Variants in DAP observed in about 807,000 individuals in gnomAD.
DAP encodes death associated protein, also known as death-associated protein 1.
In DAP, 8 loss-of-function variants were observed where a neutral mutation model predicts 13.8. The observed-to-expected ratio is 0.58, with a 90% CI of 0.34 to 1.05. The LOEUF (loss-of-function observed/expected upper bound fraction) is 1.05. Ranked by LOEUF, DAP falls within the 50% of genes least tolerant of loss-of-function variation. The pLI, the probability that DAP is intolerant of heterozygous loss-of-function variation, is 0.03. For missense variants in DAP, 106 were observed against 133.2 expected (o/e 0.80, Z 1.01); for synonymous variants, 47 against 47.5 (o/e 0.99, Z 0.04).
chr5:10,709,655 A>G (rs1316437010), intron 2 of DAP, among the ~76,000 whole-genome samples: 1 of 152,176 alleles, frequency 6.6e-6, no homozygotes, highest in Non-Finnish European at 1.5e-5. Context: ...TCCAGGAGAG[A>G]ATCCTAGAGG....
At chr5:10,730,626 T>C (rs1220058980) in intron 2 of DAP, among the ~76,000 whole-genome samples, 3 of 121,988 alleles carry the variant, frequency 2.5e-5, no homozygotes, top group African/African-American at 9.6e-5. Flanking sequence ...GGAATCTTTC[T>C]CTATTGAGAG....
intron 2 of DAP, among the ~76,000 whole-genome samples, chr5:10,685,655 C>A (rs1738137571): frequency 6.6e-6 from 1 of 152,220 alleles, no homozygotes; most frequent in East Asian, 1.9e-4. Context: ...TTCAACAAGG[C>A]ACAGCCGTCT....
intron 2 of DAP, among the ~76,000 whole-genome samples, chr5:10,695,152 A>G (rs1291706193): frequency 1.3e-5 from 2 of 152,236 alleles, no homozygotes; most frequent in Non-Finnish European, 2.9e-5. Context: ...ACATTTCTGG[A>G]TAACATCATT....
intron 1 of DAP, among the ~76,000 whole-genome samples, chr5:10,752,404 C>T (rs550297247): frequency 6.6e-6 from 1 of 152,338 alleles, no homozygotes; most frequent in African/African-American, 2.4e-5. Flanking sequence ...CTCTAGAACT[C>T]TTCATTTGTA....
At chr5:10,705,008 T>C (rs1260558516) in intron 2 of DAP, among the ~76,000 whole-genome samples, 1 of 152,134 alleles carries the variant, frequency 6.6e-6, no homozygotes, top group African/African-American at 2.4e-5. Flanking sequence ...TCTGCCTGGC[T>C]CTCATCCTGC....
intron 2 of DAP, 124 bp from the exon 3 acceptor site, chr5:10,683,695 C>T: frequency 1.2e-6 from 1 of 840,796 alleles, no homozygotes; most frequent in South Asian, 1.4e-5. Flanking sequence ...GGAAGCAAAC[C>T]TCTCCTCTGC....
chr5:10,710,578 C>CA (rs1738823056), intron 2 of DAP, among the ~76,000 whole-genome samples: 1 of 152,196 alleles, frequency 6.6e-6, no homozygotes, highest in African/African-American at 2.4e-5. Flanking sequence ...GATGGGTGTG[C>CA]TCTGGAGGGT....
At chr5:10,745,639 T>C (rs1739880867) in intron 2 of DAP, among the ~76,000 whole-genome samples, 1 of 152,198 alleles carries the variant, frequency 6.6e-6, no homozygotes, top group Non-Finnish European at 1.5e-5. Context: ...GAAAGAAAAC[T>C]AGTGGGCTGT....
chr5:10,753,157 C>G (rs1454286758), intron 1 of DAP, among the ~76,000 whole-genome samples: 2 of 152,222 alleles, frequency 1.3e-5, no homozygotes, highest in African/African-American at 2.4e-5. Flanking sequence ...CATCACCACT[C>G]TGTGGCAGGC....
intron 2 of DAP, among the ~76,000 whole-genome samples, chr5:10,694,209 C>T (rs1027368553): frequency 3.3e-5 from 5 of 152,110 alleles, no homozygotes; most frequent in Admixed American, 1.3e-4. Flanking sequence ...AAGGAGGGAC[C>T]GTGGCAAATG....
chr5:10,728,700 T>C (rs1303244565), intron 2 of DAP, among the ~76,000 whole-genome samples: 1 of 152,228 alleles, frequency 6.6e-6, no homozygotes, highest in African/African-American at 2.4e-5. Context: ...TTGCCTTAGA[T>C]ACAACTTTCG....
chr5:10,742,557 T>C (rs1412716267), intron 2 of DAP, among the ~76,000 whole-genome samples: 3 of 152,164 alleles, frequency 2.0e-5, no homozygotes, highest in African/African-American at 4.8e-5. Flanking sequence ...TCTAATACTA[T>C]CACTTTGTTG....
chr5:10,698,813 G>A (rs1434866237), intron 2 of DAP, among the ~76,000 whole-genome samples: 1 of 152,198 alleles, frequency 6.6e-6, no homozygotes, highest in Non-Finnish European at 1.5e-5. Flanking sequence ...TGAACAGTTT[G>A]CAAACCAGGG....
chr5:10,709,975 G>A (rs1382305867), intron 2 of DAP, among the ~76,000 whole-genome samples: 2 of 152,168 alleles, frequency 1.3e-5, no homozygotes, highest in Non-Finnish European at 2.9e-5. Flanking sequence ...GAGGCCCAGC[G>A]ATCTGTGTGT....
chr5:10,709,287 C>G (rs910840342), intron 2 of DAP, among the ~76,000 whole-genome samples: 1 of 152,108 alleles, frequency 6.6e-6, no homozygotes, highest in Non-Finnish European at 1.5e-5. Context: ...CTATAAAAAC[C>G]CAGGTGAGTT....
intron 2 of DAP, among the ~76,000 whole-genome samples, chr5:10,736,449 A>G (rs961193416): frequency 6.6e-6 from 1 of 151,862 alleles, no homozygotes; most frequent in Admixed American, 6.5e-5. Flanking sequence ...CCAGACGCCA[A>G]CCCTCCCTGG....
chr5:10,680,436 G>A lies in DAP; in HGVS notation c.*620C>T, dbSNP rs1227722518. On this transcript the variant is annotated 3_prime_UTR_variant, in exon 4 of 4. Coordinates refer to ENST00000230895, the MANE Select transcript of DAP (RefSeq NM_004394.3). ...CTACCTGTCTCCAGCCTCATTCTTT[G>A]GCATGTTGACTCCTGGAATTGAGGG... The A allele has an allele frequency of 9.4e-6, 4 of 425,884 alleles. No homozygotes were observed. Among genetic ancestry groups the A allele is most frequent in the East Asian group, 4.4e-5 (1 of 22,704 alleles). The allele number at this position is 425,884 out of a possible 1,614,324, so 26.4% of individuals were successfully genotyped here.
At chr5:10,706,261 C>T (rs1466693856) in intron 2 of DAP, among the ~76,000 whole-genome samples, 1 of 152,184 alleles carries the variant, frequency 6.6e-6, no homozygotes, top group Non-Finnish European at 1.5e-5. Context: ...GTATTTCTTT[C>T]TGACTCTGGG....
At chr5:10,689,311 C>T (rs1175857674) in intron 2 of DAP, among the ~76,000 whole-genome samples, 2 of 152,140 alleles carry the variant, frequency 1.3e-5, no homozygotes, top group African/African-American at 4.8e-5. Context: ...CCCATCGCAA[C>T]TGCTGAATGG....
Sources: allele counts gnomAD v4.1 joint callset (sites outside exome capture counted in the v4.1 genomes callset), GRCh38; gene constraint gnomAD v4.1.1; transcripts MANE v1.5; gene names NCBI Gene and HGNC (gene_info 2026-07-23, HGNC 2026-07-21).